ZNF536: variants seen among roughly 807,000 people sequenced by gnomAD.
ZNF536 encodes zinc finger protein 536.
Under a neutral mutation model 84.5 loss-of-function variants are expected in ZNF536, and 13 were observed. The observed-to-expected ratio is 0.15, with a 90% CI of 0.10 to 0.24. ZNF536 has a LOEUF of 0.24. Ranked by LOEUF, ZNF536 falls within the 10% of genes least tolerant of loss-of-function variation. ZNF536 has a pLI of 1.00. For missense variants in ZNF536, 1,536 were observed against 1,747.5 expected, an observed-to-expected ratio of 0.88 and a Z score of 2.16; for synonymous variants, 811 against 742.5, an observed-to-expected ratio of 1.09 and a Z score of -1.50.
intron 1 of ZNF536, among the ~76,000 whole-genome samples, chr19:30,439,942 TTTCTTTTTCTTTCTTTC>T (rs2051942168): frequency 6.8e-6 from 1 of 147,652 alleles, no homozygotes; most frequent in African/African-American, 2.5e-5. Flanking sequence ...CTTTCTTTCT[TTTCTTTTTCTTTCTTTC>T]TTTTTTTTTT....
intron 1 of ZNF536, among the ~76,000 whole-genome samples, chr19:30,601,287 G>A (rs1397193213): frequency 6.6e-6 from 1 of 152,192 alleles, no homozygotes; most frequent in Non-Finnish European, 1.5e-5. Context: ...GCAGCAATCT[G>A]GGTGCTGGGA....
At chr19:30,397,227 C>T (rs1479045632) in intron 1 of ZNF536, among the ~76,000 whole-genome samples, 2 of 152,186 alleles carry the variant, frequency 1.3e-5, no homozygotes, top group South Asian at 2.1e-4. Context: ...CTAAAGCCAC[C>T]TTTGCATTAT....
chr19:30,237,767 T>C (rs1033481449), intron 1 of ZNF536, among the ~76,000 whole-genome samples: 3 of 138,070 alleles, frequency 2.2e-5, no homozygotes, highest in African/African-American at 7.5e-5. Context: ...CATCCATATC[T>C]ATAAGTTCTT....
At chr19:30,398,914 T>A (rs1217195766) in intron 1 of ZNF536, among the ~76,000 whole-genome samples, 3 of 152,178 alleles carry the variant, frequency 2.0e-5, no homozygotes, top group Non-Finnish European at 1.5e-5. Flanking sequence ...TGATTTATAA[T>A]CCTTTGGGTG....
chr19:30,372,889 A>C (rs1388524416), intron 1 of ZNF536, among the ~76,000 whole-genome samples: 1 of 143,546 alleles, frequency 7.0e-6, no homozygotes, highest in Non-Finnish European at 1.5e-5. Flanking sequence ...AACACCAACC[A>C]ACCAAACAAA....
intron 3 of ZNF536, among the ~76,000 whole-genome samples, chr19:30,354,125 T>C (rs2048021723): frequency 6.6e-6 from 1 of 152,186 alleles, no homozygotes; most frequent in African/African-American, 2.4e-5. Context: ...GGGACATGTG[T>C]GTCCTCTGGG....
At chr19:30,638,798 A>G (rs796094407) in intron 1 of ZNF536, among the ~76,000 whole-genome samples, 2 of 152,292 alleles carry the variant, frequency 1.3e-5, no homozygotes, top group African/African-American at 4.8e-5. Context: ...AACTTTATAT[A>G]TCTTTGCAGT....
intron 1 of ZNF536, among the ~76,000 whole-genome samples, chr19:30,407,022 G>T (rs2050288089): frequency 6.6e-6 from 1 of 152,112 alleles, no homozygotes; most frequent in Admixed American, 6.5e-5. Context: ...GGGGGATTTT[G>T]CTTTTGCAGA....
chr19:30,383,701 C>CTCTTTCTT (rs762457465), intron 1 of ZNF536, among the ~76,000 whole-genome samples: 255 of 11,562 alleles, frequency 0.022, 10 homozygotes, highest in Middle Eastern at 0.062. Flanking sequence ...TCTTTTCTTT[C>CTCTTTCTT]TCTTTCTTTC....
intron 2 of ZNF536, among the ~76,000 whole-genome samples, chr19:30,458,114 G>A (rs149402953): frequency 1.3e-5 from 2 of 152,282 alleles, no homozygotes; most frequent in East Asian, 1.9e-4. Flanking sequence ...AGGGCGGAAC[G>A]TCCCCACTTC....
chr19:30,597,118 C>G (rs188959577), intron 1 of ZNF536, among the ~76,000 whole-genome samples: 132 of 152,336 alleles, frequency 8.7e-4, no homozygotes, highest in African/African-American at 2.9e-3. Context: ...CTTGAAAGAT[C>G]TCTGTCCCTG....
At chr19:30,236,841 C>T (rs2023561004) in intron 1 of ZNF536, among the ~76,000 whole-genome samples, 1 of 152,046 alleles carries the variant, frequency 6.6e-6, no homozygotes, top group Admixed American at 6.6e-5. Context: ...ATGTGTATGC[C>T]CGGCATGTTG....
intron 3 of ZNF536, among the ~76,000 whole-genome samples, chr19:30,535,912 CG>C (rs2045055907): frequency 6.6e-6 from 1 of 152,044 alleles, no homozygotes; most frequent in Admixed American, 6.5e-5. Flanking sequence ...TGAGTGCACG[CG>C]GGCTGCATGG....
At chr19:30,324,595 T>C (rs1017326493) in intron 2 of ZNF536, among the ~76,000 whole-genome samples, 1 of 152,208 alleles carries the variant, frequency 6.6e-6, no homozygotes, top group Non-Finnish European at 1.5e-5. Flanking sequence ...TCTCACTACA[T>C]TAATCAGGCT....
chr19:30,418,674 T>C (rs1198514601), intron 1 of ZNF536, among the ~76,000 whole-genome samples: 1 of 152,220 alleles, frequency 6.6e-6, no homozygotes, highest in East Asian at 1.9e-4. Flanking sequence ...TGGCCGGGGT[T>C]GGAAGGGTGT....
At chr19:30,595,928 G>A (rs530703464) in intron 1 of ZNF536, among the ~76,000 whole-genome samples, 1 of 152,292 alleles carries the variant, frequency 6.6e-6, no homozygotes, top group Non-Finnish European at 1.5e-5. Context: ...GAGAGGGGGT[G>A]CAGTGGGGAG....
chr19:30,418,668 CGGGGTTGGAA>C (rs2050832024), intron 1 of ZNF536, among the ~76,000 whole-genome samples: 3 of 152,202 alleles, frequency 2.0e-5, no homozygotes, highest in African/African-American at 7.2e-5. Flanking sequence ...TGGGGTTGGC[CGGGGTTGGAA>C]GGGTGTCTAT....
Position 30,477,621 on chromosome 19 carries a change from T to A in ZNF536, c.2170+31889T>A, listed in dbSNP as rs1285882386. Among the ~76,000 whole-genome samples, 179 of 152,134 alleles carry A rather than the reference T, an allele frequency of 1.2e-3. 1 individual carries two copies. The highest frequency in any genetic ancestry group is 2.5e-4 in the Non-Finnish European group (17 of 67,982). ...AGACAACCCAGTAATTTGTTTGGAG[T>A]GTTGTTGGGTCAGGGGGTTCTCACT... On this transcript the variant is annotated intron_variant, in intron 2 of 4. Transcript: ENST00000355537.
At chr19:30,683,230 AGAG>A (rs1393719838) in intron 1 of ZNF536, among the ~76,000 whole-genome samples, 1 of 152,204 alleles carries the variant, frequency 6.6e-6, no homozygotes, top group African/African-American at 2.4e-5. Flanking sequence ...TGGCTGGAGA[AGAG>A]GATAATGAAT....
Sources: gnomAD v4.1 joint callset for allele counts (sites outside exome capture counted in the v4.1 genomes callset) on GRCh38, gnomAD v4.1.1 for gene constraint, MANE v1.5 for transcripts, NCBI Gene and HGNC (gene_info 2026-07-23, HGNC 2026-07-21) for gene names.